Variants in GLI3 observed in about 807,000 individuals in gnomAD.
GLI3 encodes the protein GLI family zinc finger 3.
Under a neutral mutation model 100.8 loss-of-function variants are expected in GLI3, and 20 were observed. The observed-to-expected ratio is 0.20, with a 90% CI of 0.14 to 0.29. The LOEUF (loss-of-function observed/expected upper bound fraction) is 0.29. GLI3 is among the 10% of genes least tolerant of loss of function. The pLI, the probability that GLI3 is intolerant of heterozygous loss-of-function variation, is 1.00. For missense variants in GLI3, 2,040 were observed against 2,128.5 expected (o/e 0.96, Z 0.82); for synonymous variants, 938 against 860.5 (o/e 1.09, Z -1.58).
At chr7:42,005,425 C>A (rs942413582) in intron 10 of GLI3, among the ~76,000 whole-genome samples, 1 of 149,306 alleles carries the variant, frequency 6.7e-6, no homozygotes, top group East Asian at 2.0e-4. Flanking sequence ...AAGTGCTTAA[C>A]TGCTAAAAAA....
At chr7:42,262,321 G>A (rs1285729917) in intron 1 of GLI3, among the ~76,000 whole-genome samples, 3 of 150,858 alleles carry the variant, frequency 2.0e-5, no homozygotes, top group Non-Finnish European at 4.4e-5. Flanking sequence ...GTGCAGAGGT[G>A]TAAACATGGG....
intron 1 of GLI3, among the ~76,000 whole-genome samples, chr7:42,232,087 C>A (rs998910787): frequency 2.0e-5 from 3 of 151,904 alleles, no homozygotes; most frequent in Non-Finnish European, 2.9e-5. Flanking sequence ...TGCTTGTGGT[C>A]AAAATGTACT....
At position 42,078,155 on chromosome 7, in the gene GLI3, G is replaced by A. The variant is rs547318951; in HGVS notation, c.368-1298C>T. On this transcript the variant is annotated intron_variant, in intron 3 of 14. Transcript: ENST00000395925. ...CCCGCTGAAGTCGGCTGCATCCCCC[G>A]AGGTCGGCAACACCGCCATCCCAAC... Among the ~76,000 whole-genome samples the A allele has an allele frequency of 7.2e-5, 11 of 152,308 alleles. No homozygotes were observed. The South Asian group carries it at 1.7e-3, about 23-fold the overall frequency.
intron 2 of GLI3, among the ~76,000 whole-genome samples, chr7:42,171,015 A>C (rs951893732): frequency 6.6e-6 from 1 of 152,164 alleles, no homozygotes; most frequent in Non-Finnish European, 1.5e-5. Flanking sequence ...AGGGTTCTAT[A>C]ACAATTGTGC....
chr7:42,032,776 A>G (rs978109551), intron 7 of GLI3, among the ~76,000 whole-genome samples: 2 of 152,242 alleles, frequency 1.3e-5, no homozygotes, highest in Non-Finnish European at 2.9e-5. Flanking sequence ...AAAAATAAAG[A>G]AAACAATAGA....
intron 1 of GLI3, among the ~76,000 whole-genome samples, chr7:42,246,539 C>G (rs1788973969): frequency 6.6e-6 from 1 of 152,124 alleles, no homozygotes; most frequent in African/African-American, 2.4e-5. Flanking sequence ...CATATACACT[C>G]CTAAGAGGGC....
At chr7:42,068,616 C>G (rs1258571783) in intron 4 of GLI3, among the ~76,000 whole-genome samples, 1 of 152,120 alleles carries the variant, frequency 6.6e-6, no homozygotes, top group African/African-American at 2.4e-5. Context: ...GTGATTTTCC[C>G]CGGGGCAGGG....
At chr7:42,100,260 G>C (rs1019287614) in intron 3 of GLI3, among the ~76,000 whole-genome samples, 3 of 152,228 alleles carry the variant, frequency 2.0e-5, no homozygotes, top group African/African-American at 7.2e-5. Flanking sequence ...GCTGTGGAAG[G>C]AGGAAGCCAC....
intron 3 of GLI3, chr7:42,113,505 T>G: frequency 9.5e-7 from 1 of 1,058,038 alleles, no homozygotes; most frequent in South Asian, 1.2e-5. Context: ...CCTGAGAAGG[T>G]ACCCAAAGGG....
At chr7:42,185,149 C>G (rs563623907) in intron 2 of GLI3, among the ~76,000 whole-genome samples, 2 of 152,310 alleles carry the variant, frequency 1.3e-5, no homozygotes, top group East Asian at 1.9e-4. Flanking sequence ...GGGTCCCCTC[C>G]TCTACCTGGA....
At chr7:42,202,796 C>T (rs965998434) in intron 2 of GLI3, among the ~76,000 whole-genome samples, 1 of 152,178 alleles carries the variant, frequency 6.6e-6, no homozygotes, top group Non-Finnish European at 1.5e-5. Flanking sequence ...GACGGGGGTC[C>T]CACTGACGTC....
intron 1 of GLI3, among the ~76,000 whole-genome samples, chr7:42,260,785 C>T (rs753009417): frequency 3.3e-5 from 5 of 152,142 alleles, no homozygotes; most frequent in Non-Finnish European, 7.3e-5. Flanking sequence ...ATTTTGAGTA[C>T]ATTTTGCATG....
Position 42,221,514 on chromosome 7 carries a change from T to G in GLI3, c.124+1616A>C, listed in dbSNP as rs150934975. On this transcript the variant is annotated intron_variant, in intron 2 of 14. Transcript: ENST00000395925. Reference sequence around the variant, plus strand: ...CACACCTACACACTCACGCATACATTTGCCTACACTCACACATATCCTCAC... The same window carrying G: ...CACACCTACACACTCACGCATACATGTGCCTACACTCACACATATCCTCAC... Among the ~76,000 whole-genome samples, 27 of 152,072 alleles carry G rather than the reference T, an allele frequency of 1.8e-4. No individual in the cohort carries two copies. In the South Asian group the frequency reaches 5.4e-3, roughly 30 times the overall value.
At chr7:42,172,697 G>A in intron 2 of GLI3, 1 of 697,956 alleles carries the variant, frequency 1.4e-6, no homozygotes, top group South Asian at 1.5e-5. Context: ...CTGGGAGAAG[G>A]GGATGAGTTT....
At chr7:42,131,911 G>C (rs904985521) in intron 3 of GLI3, among the ~76,000 whole-genome samples, 3 of 151,966 alleles carry the variant, frequency 2.0e-5, no homozygotes, top group Non-Finnish European at 4.4e-5. Flanking sequence ...GAAATATCTA[G>C]AGTTGACATG....
intron 2 of GLI3, among the ~76,000 whole-genome samples, chr7:42,209,817 T>G (rs901771761): frequency 2.5e-5 from 3 of 118,238 alleles, no homozygotes; most frequent in African/African-American, 7.9e-5. Context: ...AGAGGTTCTC[T>G]CTCTTTTTTT....
intron 3 of GLI3, among the ~76,000 whole-genome samples, chr7:42,104,338 G>A (rs537596123): frequency 1.3e-5 from 2 of 152,280 alleles, no homozygotes; most frequent in East Asian, 3.9e-4. Context: ...AAGACGCCCT[G>A]ACATCTGCAC....
At chr7:42,162,627 T>C (rs78630417) in intron 2 of GLI3, among the ~76,000 whole-genome samples, 7,965 of 152,250 alleles carry the variant, frequency 0.052, 734 homozygotes, top group African/African-American at 0.18. Context: ...CAAGGCTGTG[T>C]TACTGTGCCT....
At chr7:42,236,139 G>C (rs1056415320) in intron 1 of GLI3, among the ~76,000 whole-genome samples, 6 of 152,070 alleles carry the variant, frequency 3.9e-5, no homozygotes, top group Non-Finnish European at 8.8e-5. Flanking sequence ...CGTCCGCTTC[G>C]GACAATCTGC....
Sources: allele counts gnomAD v4.1 joint callset (sites outside exome capture counted in the v4.1 genomes callset), GRCh38; gene constraint gnomAD v4.1.1; transcripts MANE v1.5; gene names NCBI Gene and HGNC (gene_info 2026-07-23, HGNC 2026-07-21).